Variants in CUBN observed in about 807,000 individuals in gnomAD.
The protein encoded by CUBN is cubilin, also known as 460 kDa receptor.
Under a neutral mutation model 405.3 loss-of-function variants are expected in CUBN, and 282 were observed. The observed-to-expected ratio is 0.70, with a 90% confidence interval of 0.63 to 0.77. CUBN has a LOEUF of 0.77. Ranked by LOEUF, CUBN falls within the 30% of genes least tolerant of loss-of-function variation. The pLI is 0.00. For synonymous variants in CUBN, 1,684 were observed against 1,617.0 expected, an observed-to-expected ratio of 1.04 and a Z score of -0.99; for missense variants, 4,514 against 4,475.2, an observed-to-expected ratio of 1.01 and a Z score of -0.25.
rs1437878670 is a variant in CUBN at position 16,915,019 on chromosome 10, T to A, written c.7351+13A>T. ...GGTGCTCAATGTTGTGTTGAATGAA[T>A]CAATGAACTCACCTTCCATACTGGA... On this transcript the variant is annotated intron_variant, in intron 47 of 66. Transcript: ENST00000377833. 1 of 1,612,136 alleles carries A rather than the reference T, an allele frequency of 6.2e-7. No individual in the cohort carries two copies. Among genetic ancestry groups the A allele is most frequent in the Non-Finnish European group, 8.5e-7 (1 of 1,178,776 alleles).
chr10:17,070,235 C>T (rs554438729), intron 19 of CUBN, among the ~76,000 whole-genome samples: 3 of 152,286 alleles, frequency 2.0e-5, no homozygotes, highest in African/African-American at 7.2e-5. Context: ...ATATTTATAT[C>T]CTTACTTCAA....
chr10:17,060,718 G>A (rs1835487603), intron 22 of CUBN, among the ~76,000 whole-genome samples: 2 of 152,116 alleles, frequency 1.3e-5, no homozygotes, highest in African/African-American at 4.8e-5. Flanking sequence ...ATTCAAGGTC[G>A]ATAGAAATAA....
intron 56 of CUBN, among the ~76,000 whole-genome samples, chr10:16,884,262 G>A (rs992538713): frequency 2.0e-5 from 3 of 152,172 alleles, no homozygotes; most frequent in Non-Finnish European, 2.9e-5. Context: ...AATTACAGGC[G>A]TGAGCCACCA....
intron 27 of CUBN, among the ~76,000 whole-genome samples, chr10:17,021,658 TATGAC>T (rs1484302787): frequency 6.6e-6 from 1 of 152,248 alleles, no homozygotes; most frequent in Non-Finnish European, 1.5e-5. Context: ...AAAAAAATGT[TATGAC>T]ATGAAATATT....
At position 16,925,744 on chromosome 10, in the gene CUBN, C is replaced by T; in HGVS notation, c.6302G>A (p.Gly2101Glu). ...SCGGYLHADR[G>E]IITSPKYPET... ...TGGATACTTGGGGGACGTGATGATC[C>T]CTCTGTCTGCATGCAAATATCCACC... The change falls in exon 42 of 67, where the codon GGG becomes GAG. Residue 2101 changes from glycine (G) to glutamate (E), a missense_variant. Gly to Glu is a moderately conservative substitution (Grantham distance 98). Coordinates refer to ENST00000377833, the MANE Select transcript of CUBN (RefSeq NM_001081.4). 6.2e-7 allele frequency: 1 copy of T among 1,613,882 alleles called. No individual in the cohort carries two copies. Among genetic ancestry groups the T allele is most frequent in the Non-Finnish European group, 8.5e-7 (1 of 1,179,900 alleles).
Position 17,036,977 on chromosome 10 carries a change from T to C in CUBN, c.4017+4056A>G, listed in dbSNP as rs548496971. ...CTGCTAGAAAGCCGGCCTTGACACT[T>C]ATAATCTTTCTGAATATGAACAACC... On this transcript the variant is annotated intron_variant, in intron 27 of 66. Transcript: ENST00000377833. Among the ~76,000 whole-genome samples, 7 of 152,312 alleles carry C rather than the reference T, an allele frequency of 4.6e-5. No homozygotes were observed. The East Asian group carries it at 1.4e-3, about 29-fold the overall frequency.
Position 17,103,143 on chromosome 10 carries a change from G to C in CUBN, c.1512C>G (p.Ile504Met), listed in dbSNP as rs2228053. 1.1e-5 allele frequency: 18 copies of C among 1,611,380 alleles called. No homozygotes were observed. Among genetic ancestry groups the C allele is most frequent in the Non-Finnish European group, 1.4e-5 (17 of 1,177,738 alleles). Residue 504 changes from isoleucine to methionine, a missense_variant, in exon 13 of 67, where the codon ATC becomes ATG. Coordinates refer to ENST00000377833, the MANE Select transcript of CUBN (RefSeq NM_001081.4). Reference sequence around the variant, plus strand: ...CATTTACCTTTCCCATTTCAGTTTTGATAACCCAGAAGCAGTTAACATCAT... The same window carrying C: ...CATTTACCTTTCCCATTTCAGTTTTCATAACCCAGAAGCAGTTAACATCAT... ...YVHDVNCFWV[I>M]KTEMGKVLRI...
At chr10:16,834,791 C>A (rs1564376178) in intron 64 of CUBN, among the ~76,000 whole-genome samples, 1 of 152,176 alleles carries the variant, frequency 6.6e-6, no homozygotes, top group Non-Finnish European at 1.5e-5. Context: ...CCCCATCTGT[C>A]CTTCCTGCCA....
chr10:16,831,463 A>G, intron 64 of CUBN, 46 bp from the exon 65 acceptor site: 1 of 1,494,646 alleles, frequency 6.7e-7, no homozygotes, highest in East Asian at 2.3e-5. Flanking sequence ...TTTCTTCTCT[A>G]AGGTATATAC....
rs750047523 is a variant in CUBN at position 17,127,909 on chromosome 10, C to G, written c.268G>C (p.Glu90Gln). 1 of 1,603,502 alleles carries G rather than the reference C, an allele frequency of 6.2e-7. No homozygotes were observed. Among genetic ancestry groups the G allele is most frequent in the Non-Finnish European group, 8.5e-7 (1 of 1,171,646 alleles). The change falls in exon 3 of 67, where the codon GAA (glutamate) becomes CAA (glutamine). Residue 90 changes from glutamate to glutamine, a missense_variant. By Grantham distance (29) the Glu-to-Gln change is conservative. Coordinates refer to ENST00000377833, the MANE Select transcript of CUBN (RefSeq NM_001081.4). ...ECLHQIQKNK[E>Q]DIIELKGSAI... ...CTCCCTTTTAACTCTATAATATCTT[C>G]TTTGTTTTTCTGGATCTAATTTTAG...
chr10:16,937,764 A>G lies in CUBN; in HGVS notation c.5754T>C (p.Ile1918=). The change falls in exon 39 of 67, where the codon ATT becomes ATC. Residue 1918 remains isoleucine, a synonymous_variant. Coordinates refer to ENST00000377833, the MANE Select transcript of CUBN (RefSeq NM_001081.4). ...DKLRIYDGPS[I]HARLIGAYCG... Reference sequence around the variant, plus strand: ...AGTAAGCTCCAATTAGGCGGGCGTGAATGCTAGGCCCATCATAGATCTGTA... The same window carrying G: ...AGTAAGCTCCAATTAGGCGGGCGTGGATGCTAGGCCCATCATAGATCTGTA... 1 of 1,614,086 alleles carries G rather than the reference A, an allele frequency of 6.2e-7. No homozygotes were observed. The highest frequency in any genetic ancestry group is 1.1e-5 in the South Asian group (1 of 91,080).
intron 27 of CUBN, among the ~76,000 whole-genome samples, chr10:17,030,115 A>G (rs1264529434): frequency 2.6e-5 from 4 of 152,148 alleles, no homozygotes; most frequent in Non-Finnish European, 5.9e-5. Flanking sequence ...ATTGTTTCCC[A>G]TCACCCCCCA....
At chr10:17,127,776 C>T in intron 3 of CUBN, 53 bp downstream of exon 3, 2 of 1,344,382 alleles carry the variant, frequency 1.5e-6, no homozygotes, top group Non-Finnish European at 2.1e-6. Flanking sequence ...GTTACTTATA[C>T]AATAGAACTA....
In CUBN at chr10:17,071,807, A is replaced by C; in HGVS notation, c.2446+20T>G. 1 of 1,609,042 alleles carries C rather than the reference A, an allele frequency of 6.2e-7. No individual in the cohort carries two copies. Among genetic ancestry groups the C allele is most frequent in the Non-Finnish European group, 8.5e-7 (1 of 1,178,294 alleles). ...TACAATCAGGCAAATTAGACATTTA[A>C]AAATTATATGTTTCCTTACCGACTT... On this transcript the variant is annotated intron_variant, in intron 18 of 66. Transcript: ENST00000377833.
rs577193329 is a variant in CUBN, at chr10:17,011,612, T to C, written c.4168+8221A>G. The stretch of plus-strand genomic sequence containing the variant: ...GGGGACCCGAGCAGGTTGCCGCTGC[T>C]AGCTCGGGTGGCCAGCTTTTATTCC... On this transcript the variant is annotated intron_variant, in intron 28 of 66. Coordinates refer to ENST00000377833, the MANE Select transcript of CUBN (RefSeq NM_001081.4). 3.6e-4 allele frequency among the ~76,000 whole-genome samples: 55 copies of C among 152,272 alleles called. 2 individuals carry two copies. The South Asian group carries it at 0.011, about 32-fold the overall frequency.
At chr10:16,964,891 T>C (rs1446717977) in intron 31 of CUBN, among the ~76,000 whole-genome samples, 2 of 152,226 alleles carry the variant, frequency 1.3e-5, no homozygotes, top group African/African-American at 4.8e-5. Flanking sequence ...TAGGCTTGTA[T>C]AGACAACTGT....
At chr10:17,123,960 G>T (rs1435189731) in intron 4 of CUBN, among the ~76,000 whole-genome samples, 1 of 152,136 alleles carries the variant, frequency 6.6e-6, no homozygotes, top group African/African-American at 2.4e-5. Context: ...TTCTCACTTT[G>T]TCTTGGAAAA....
intron 28 of CUBN, among the ~76,000 whole-genome samples, chr10:16,999,303 T>G (rs551996293): frequency 6.6e-4 from 101 of 152,330 alleles, no homozygotes; most frequent in Admixed American, 2.0e-3. Flanking sequence ...TTTTGGAGTT[T>G]CTGTGTAATA....
At chr10:17,105,625 C>A (rs1432047626) in intron 10 of CUBN, 50 bp from the exon 11 acceptor site, 2 of 995,346 alleles carry the variant, frequency 2.0e-6, no homozygotes, top group African/African-American at 1.6e-5. Context: ...CTCCTCTGTT[C>A]GGATGCAGTA....
Sources: gnomAD v4.1 joint callset for allele counts (sites outside exome capture counted in the v4.1 genomes callset) on GRCh38, gnomAD v4.1.1 for gene constraint, MANE v1.5 for transcripts, NCBI Gene and HGNC (gene_info 2026-07-23, HGNC 2026-07-21) for gene names.